NEK1: variants seen among roughly 807,000 people sequenced by gnomAD.
NEK1 encodes the protein serine/threonine-protein kinase Nek1.
NEK1 carries 137 observed loss-of-function variants against 182.1 expected under a neutral mutation model. The ratio of observed to expected loss-of-function variants is 0.75; its 90% confidence interval spans 0.65 to 0.87. The LOEUF (loss-of-function observed/expected upper bound fraction) is 0.87. Ranked by LOEUF, NEK1 falls within the 40% of genes least tolerant of loss-of-function variation. The pLI, the probability that NEK1 is intolerant of heterozygous loss-of-function variation, is 0.00. For synonymous variants in NEK1, 513 were observed against 492.2 expected (o/e 1.04, Z -0.56); for missense variants, 1,391 against 1,494.4 (o/e 0.93, Z 1.14).
intron 6 of NEK1, among the ~76,000 whole-genome samples, chr4:169,589,808 G>C (rs1199427213): frequency 6.6e-6 from 1 of 151,880 alleles, no homozygotes; most frequent in African/African-American, 2.4e-5. Flanking sequence ...GACGTCAAAA[G>C]CACAAGCAAA....
At position 169,433,616 on chromosome 4, in the gene NEK1, G is replaced by C. The variant is rs1426546470; in HGVS notation, c.2814C>G (p.Asn938Lys). 8.1e-6 allele frequency: 13 copies of C among 1,613,116 alleles called. No homozygotes were observed. The highest frequency in any genetic ancestry group is 4.4e-5 in the South Asian group (4 of 91,054). ...TAGTGCATGGCAAGCTCTCATCTTT[G>C]TTTGTTCCACTTGGCTCTTGTAGAA... ...TEILQEPSGT[N>K]KDESLPCTIT... The change falls in exon 29 of 36, where the codon AAC becomes AAG. Residue 938 changes from asparagine to lysine, a missense_variant. Around this residue, in one of 5 missense-constraint regions of NEK1, gnomAD observed 1,216 missense variants for 1,277.6 expected, o/e 0.95. Transcript: ENST00000507142.
intron 16 of NEK1, among the ~76,000 whole-genome samples, chr4:169,556,663 C>T (rs1393863624): frequency 1.3e-5 from 2 of 149,376 alleles, no homozygotes; most frequent in Non-Finnish European, 3.0e-5. Context: ...ACTAGAAAAA[C>T]ATTCAATTCT....
At chr4:169,423,389 C>T (rs1471287422) in intron 31 of NEK1, among the ~76,000 whole-genome samples, 2 of 152,092 alleles carry the variant, frequency 1.3e-5, no homozygotes, top group African/African-American at 4.8e-5. Context: ...AGGTATGAGC[C>T]AGCATGCCTG....
Position 169,598,681 on chromosome 4 carries a change from G to A in NEK1, c.312+419C>T, listed in dbSNP as rs77817754. Reference sequence around the variant, plus strand: ...TTAGGTAGGGAACGGCCATATTTTAGAGATCCTGGAAATCAAAAGAGAGAT... The same window carrying A: ...TTAGGTAGGGAACGGCCATATTTTAAAGATCCTGGAAATCAAAAGAGAGAT... On this transcript the variant is annotated intron_variant, in intron 5 of 35. Transcript: ENST00000507142. 8.2e-3 allele frequency among the ~76,000 whole-genome samples: 1,250 copies of A among 152,246 alleles called. 14 individuals carry two copies. Among genetic ancestry groups the A allele is most frequent in the African/African-American group, 0.028 (1,182 of 41,552 alleles).
intron 27 of NEK1, among the ~76,000 whole-genome samples, chr4:169,459,801 G>A (rs973105990): frequency 6.6e-6 from 1 of 152,152 alleles, no homozygotes; most frequent in Non-Finnish European, 1.5e-5. Context: ...TACTGTATGA[G>A]TCCAATTACA....
At chr4:169,442,534 GA>G (rs1428194590) in intron 27 of NEK1, among the ~76,000 whole-genome samples, 1 of 152,122 alleles carries the variant, frequency 6.6e-6, no homozygotes, top group Non-Finnish European at 1.5e-5. Context: ...CAAGAAACAT[GA>G]AAAGTAAGGA....
chr4:169,604,740 T>C (rs777048480), intron 2 of NEK1, among the ~76,000 whole-genome samples: 18 of 152,198 alleles, frequency 1.2e-4, no homozygotes, highest in Admixed American at 3.3e-4. Context: ...AGGCCAGAAC[T>C]CAGCCTGTGG....
At chr4:169,566,465 T>C (rs1763693206) in intron 12 of NEK1, among the ~76,000 whole-genome samples, 1 of 152,198 alleles carries the variant, frequency 6.6e-6, no homozygotes, top group African/African-American at 2.4e-5. Context: ...ACAGCCAAAG[T>C]ACTGAAGTAT....
chr4:169,570,150 T>G (rs1764478856), intron 12 of NEK1, among the ~76,000 whole-genome samples: 6 of 146,184 alleles, frequency 4.1e-5, no homozygotes, highest in South Asian at 2.2e-4. Context: ...CGCCGCCCCG[T>G]CTGGGATGTG....
chr4:169,583,735 A>G (rs1156299727), intron 10 of NEK1, among the ~76,000 whole-genome samples: 1 of 152,208 alleles, frequency 6.6e-6, no homozygotes, highest in Non-Finnish European at 1.5e-5. Context: ...ACATAATAAA[A>G]GTGTCCTCGC....
chr4:169,578,166 A>G (rs559458731), intron 11 of NEK1, among the ~76,000 whole-genome samples: 1 of 152,358 alleles, frequency 6.6e-6, no homozygotes, highest in East Asian at 1.9e-4. Context: ...CTTAGAAGGG[A>G]TAAGTTCAAG....
At chr4:169,592,782 C>T (rs1407987608) in intron 5 of NEK1, among the ~76,000 whole-genome samples, 1 of 151,310 alleles carries the variant, frequency 6.6e-6, no homozygotes, top group Non-Finnish European at 1.5e-5. Context: ...TTTCTATACT[C>T]ACGTAAGGCA....
chr4:169,406,489 G>A (rs975192378), intron 32 of NEK1, 107 bp downstream of exon 32: 29 of 708,566 alleles, frequency 4.1e-5, no homozygotes, highest in African/African-American at 3.7e-4. Flanking sequence ...AGACATAAAA[G>A]CAGAGGTTAA....
chr4:169,504,961 C>T (rs540880906), intron 23 of NEK1, among the ~76,000 whole-genome samples: 2 of 152,058 alleles, frequency 1.3e-5, no homozygotes, highest in South Asian at 4.2e-4. Context: ...TGCATTTATG[C>T]CTGTATTAAA....
rs1418273386 is a variant in NEK1, at chr4:169,567,020, G to T, written c.1021-4824C>A. Among the ~76,000 whole-genome samples, 12 of 152,006 alleles carry T rather than the reference G, an allele frequency of 7.9e-5. 1 individual carries two copies. On this transcript the variant is annotated intron_variant, in intron 12 of 35. Coordinates refer to ENST00000507142, the MANE Select transcript of NEK1 (RefSeq NM_001199397.3). The stretch of plus-strand genomic sequence containing the variant: ...AGAGGTGATTGCTTGAGCCTGGGAG[G>T]TGGAGGTTGTAGTGAGCCAAGATTG...
chr4:169,566,895 G>A (rs552260908), intron 12 of NEK1, among the ~76,000 whole-genome samples: 1 of 152,084 alleles, frequency 6.6e-6, no homozygotes, highest in Non-Finnish European at 1.5e-5. Context: ...CTTGAGCCCA[G>A]GAGTTTGACA....
chr4:169,608,114 CAT>C (rs1219882400), intron 2 of NEK1, among the ~76,000 whole-genome samples: 1 of 85,034 alleles, frequency 1.2e-5, no homozygotes, highest in African/African-American at 3.7e-5. Flanking sequence ...CACACACACA[CAT>C]ACACACACAC....
At chr4:169,445,865 T>TATATATATATACACACAC (rs569539235) in intron 27 of NEK1, among the ~76,000 whole-genome samples, 17 of 143,274 alleles carry the variant, frequency 1.2e-4, no homozygotes, top group African/African-American at 4.7e-4. Flanking sequence ...TATATATATA[T>TATATATATATACACACAC]ACACACACAC....
At position 169,433,537 on chromosome 4, in the gene NEK1, G is replaced by A; in HGVS notation, c.2885+8C>T. Reference sequence around the variant, plus strand: ...GGGTTTTAAAATGTCAGGAAAAGATGTACATACTGAGTTTCCTTTGTTTCT... The same window carrying A: ...GGGTTTTAAAATGTCAGGAAAAGATATACATACTGAGTTTCCTTTGTTTCT... On this transcript the variant is annotated splice_region_variant and intron_variant, in intron 29 of 35. Transcript: ENST00000507142. The A allele has an allele frequency of 6.2e-7, 1 of 1,604,844 alleles. No homozygotes were observed. The highest frequency in any genetic ancestry group is 8.5e-7 in the Non-Finnish European group (1 of 1,177,230).
Sources: allele counts gnomAD v4.1 joint callset (sites outside exome capture counted in the v4.1 genomes callset), GRCh38; gene constraint gnomAD v4.1.1; regional missense constraint gnomAD v4.1.1; transcripts MANE v1.5; gene names NCBI Gene and HGNC (gene_info 2026-07-23, HGNC 2026-07-21).